ST3GAL3: variants seen among roughly 807,000 people sequenced by gnomAD.
ST3GAL3 encodes the protein CMP-N-acetylneuraminate-beta-1,4-galactoside alpha-2,3-sialyltransferase.
A neutral mutation model predicts 50.1 loss-of-function variants in ST3GAL3; 21 were observed. The observed-to-expected ratio is 0.42, with a 90% CI of 0.30 to 0.60. The LOEUF is 0.60. Ranked by LOEUF, ST3GAL3 falls within the 20% of genes least tolerant of loss-of-function variation. The pLI is 0.19. For synonymous variants in ST3GAL3, 183 were observed against 190.0 expected (o/e 0.96, Z 0.30); for missense variants, 353 against 489.4 (o/e 0.72, Z 2.63).
At chr1:43,747,269 G>T (rs1022967060) in intron 2 of ST3GAL3, among the ~76,000 whole-genome samples, 1 of 151,904 alleles carries the variant, frequency 6.6e-6, no homozygotes, top group African/African-American at 2.4e-5. Flanking sequence ...TTAGCCTGCC[G>T]GACATGGTGG....
intron 2 of ST3GAL3, among the ~76,000 whole-genome samples, chr1:43,786,574 C>T (rs542884712): frequency 6.6e-6 from 1 of 152,356 alleles, no homozygotes; most frequent in East Asian, 1.9e-4. Context: ...GCCTGTACCT[C>T]TACCCTTGGT....
At chr1:43,724,637 G>A (rs940448396) in intron 1 of ST3GAL3, among the ~76,000 whole-genome samples, 5 of 152,174 alleles carry the variant, frequency 3.3e-5, no homozygotes, top group Non-Finnish European at 5.9e-5. Context: ...GGCAGAAAAA[G>A]AGACAAGATG....
chr1:43,844,248 G>C (rs1175895230), intron 5 of ST3GAL3, among the ~76,000 whole-genome samples: 1 of 152,132 alleles, frequency 6.6e-6, no homozygotes, highest in Non-Finnish European at 1.5e-5. Context: ...TTGACCACTG[G>C]TGATCAAATC....
rs1443156005 is a variant in ST3GAL3 at position 43,905,493 on chromosome 1, T to C, written c.744+5766T>C. 3.1e-5 allele frequency among the ~76,000 whole-genome samples: 4 copies of C among 129,014 alleles called. No individual in the cohort carries two copies. The Admixed American group carries it at 3.3e-4, about 11-fold the overall frequency. The allele number at this position is 129,014 out of a possible 152,430, so 84.6% of individuals were successfully genotyped here. ...CTCCTCCTGTTCCCCTTCCCACCAC[T>C]CTTCCTCTCCGTCCTCCTGTTCCCC... is the stretch of plus-strand genomic sequence containing the variant. On this transcript the variant is annotated intron_variant, in intron 9 of 11. Transcript: ENST00000347631.
chr1:43,889,078 T>C (rs747618169), intron 5 of ST3GAL3, among the ~76,000 whole-genome samples: 3 of 151,656 alleles, frequency 2.0e-5, no homozygotes, highest in Non-Finnish European at 2.9e-5. Flanking sequence ...ATCATGGGAG[T>C]ATTATTGAGT....
rs151011374 is a variant in ST3GAL3, at chr1:43,730,903, T to C, written c.-30-5330T>C. Among the ~76,000 whole-genome samples the C allele has an allele frequency of 3.4e-3, 511 of 152,322 alleles. 5 individuals carry two copies. The highest frequency in any genetic ancestry group is 0.012 in the African/African-American group (493 of 41,568). On this transcript the variant is annotated intron_variant, in intron 1 of 11. Transcript: ENST00000347631. ...CTTTATGTATTTACTTTTACAAATATAAACATTAAAAATAAATATATGGAT... is the reference window on the plus strand; with the variant it reads ...CTTTATGTATTTACTTTTACAAATACAAACATTAAAAATAAATATATGGAT...
rs371176776 is a variant in ST3GAL3 at position 43,922,868 on chromosome 1, G to A, written c.1038+1940G>A. 3.3e-5 allele frequency among the ~76,000 whole-genome samples: 5 copies of A among 150,618 alleles called. No individual in the cohort carries two copies. The South Asian group carries it at 1.1e-3, about 32-fold the overall frequency. The stretch of plus-strand genomic sequence containing the variant: ...TGTAATCCCAGCACTTTGGGAGGCC[G>A]AGGTGGGTGGATCACAAGGTCAGAA... On this transcript the variant is annotated intron_variant, in intron 11 of 11. Transcript: ENST00000347631.
intron 4 of ST3GAL3, among the ~76,000 whole-genome samples, chr1:43,834,318 C>T (rs1328624597): frequency 1.3e-5 from 2 of 152,174 alleles, no homozygotes; most frequent in East Asian, 3.8e-4. Flanking sequence ...CGGCTATTGC[C>T]CCATTTCTTT....
chr1:43,811,296 C>A (rs1051051109), intron 3 of ST3GAL3, among the ~76,000 whole-genome samples: 5 of 152,124 alleles, frequency 3.3e-5, no homozygotes, highest in African/African-American at 1.2e-4. Context: ...CTGACCTCTC[C>A]GTGATTGCTG....
intron 1 of ST3GAL3, among the ~76,000 whole-genome samples, chr1:43,732,503 T>A (rs1201744037): frequency 6.6e-6 from 1 of 152,218 alleles, no homozygotes; most frequent in Non-Finnish European, 1.5e-5. Flanking sequence ...TAGAAATAGC[T>A]TCCTGCCGTT....
chr1:43,867,137 A>G (rs920981776), intron 5 of ST3GAL3, among the ~76,000 whole-genome samples: 1 of 152,226 alleles, frequency 6.6e-6, no homozygotes, highest in East Asian at 1.9e-4. Flanking sequence ...CTCAAAATAA[A>G]TAAAGCCATC....
chr1:43,921,125 G>A (rs2082959991), intron 11 of ST3GAL3, among the ~76,000 whole-genome samples, 197 bp downstream of exon 11: 1 of 152,022 alleles, frequency 6.6e-6, no homozygotes, highest in African/African-American at 2.4e-5. Flanking sequence ...CCTTCCAAGG[G>A]ACTCTCCGTG....
Position 43,899,178 on chromosome 1 carries a change from C to G in ST3GAL3, c.472C>G (p.Arg158Gly). 6.2e-7 allele frequency: 1 copy of G among 1,614,168 alleles called. No homozygotes were observed. ...CCTCTCTCCCCTCAGCCTCCGCTGC[C>G]GCCGCTGCATCATCGTGGGCAATGG... Reference protein sequence around the residue: ...LTPALDSLRCRRCIIVGNGGV... With the variant: ...LTPALDSLRCGRCIIVGNGGV... Residue 158 changes from arginine to glycine, a missense_variant, in exon 8 of 12, where the codon CGC becomes GGC. Arg to Gly is a moderately radical substitution (Grantham distance 125). Coordinates refer to ENST00000347631, the MANE Select transcript of ST3GAL3 (RefSeq NM_006279.5). The surrounding 1 kb of genome is among the most constrained non-coding windows in gnomAD (Gnocchi z 5.4).
chr1:43,921,654 C>G, intron 11 of ST3GAL3: 1 of 398,782 alleles, frequency 2.5e-6, no homozygotes, highest in Non-Finnish European at 4.4e-6. Flanking sequence ...TCTGGGGGCT[C>G]TGGTCTCAGC....
intron 1 of ST3GAL3, among the ~76,000 whole-genome samples, chr1:43,713,559 T>C (rs1665826748): frequency 7.9e-6 from 1 of 127,306 alleles, no homozygotes; most frequent in Non-Finnish European, 1.6e-5. Context: ...AAGTACTCAC[T>C]CTATCACCCA....
chr1:43,853,213 G>A (rs1351520196), intron 5 of ST3GAL3, among the ~76,000 whole-genome samples: 1 of 152,118 alleles, frequency 6.6e-6, no homozygotes, highest in African/African-American at 2.4e-5. Flanking sequence ...CTAAACCTGT[G>A]GCCAAACAGT....
At chr1:43,915,028 T>C (rs982854239) in intron 9 of ST3GAL3, among the ~76,000 whole-genome samples, 6 of 152,256 alleles carry the variant, frequency 3.9e-5, no homozygotes, top group African/African-American at 1.4e-4. Context: ...GGGGTCGGCT[T>C]GCTCAGCCTG....
chr1:43,909,341 C>CTCTT (rs1235414934), intron 9 of ST3GAL3, among the ~76,000 whole-genome samples: 1 of 152,216 alleles, frequency 6.6e-6, no homozygotes, highest in Admixed American at 6.5e-5. Context: ...TCCAGGGCAT[C>CTCTT]TCTTTCCTCT....
intron 1 of ST3GAL3, among the ~76,000 whole-genome samples, chr1:43,717,228 C>T (rs1197797029): frequency 1.3e-5 from 2 of 152,198 alleles, no homozygotes; most frequent in Admixed American, 6.5e-5. Flanking sequence ...TGAGGGCAGG[C>T]ACCACTCCCT....
Sources: allele counts gnomAD v4.1 joint callset (sites outside exome capture counted in the v4.1 genomes callset), GRCh38; gene constraint gnomAD v4.1.1; non-coding constraint Gnocchi (gnomAD v3.1); transcripts MANE v1.5; gene names NCBI Gene and HGNC (gene_info 2026-07-23, HGNC 2026-07-21).